Variants in HERC4 observed in about 807,000 individuals in gnomAD.
HERC4 encodes probable E3 ubiquitin-protein ligase HERC4.
HERC4 carries 28 observed loss-of-function variants against 124.3 expected under a neutral mutation model. That is an observed-to-expected ratio of 0.23 (90% confidence interval 0.17 to 0.31). HERC4 has a LOEUF of 0.31. Ranked by LOEUF, HERC4 falls within the 10% of genes least tolerant of loss-of-function variation. The pLI, the probability that HERC4 is intolerant of heterozygous loss-of-function variation, is 1.00. For synonymous variants in HERC4, 407 were observed against 421.5 expected, an observed-to-expected ratio of 0.97 and a Z score of 0.42; for missense variants, 713 against 1,229.3, an observed-to-expected ratio of 0.58 and a Z score of 6.28.
intron 15 of HERC4, among the ~76,000 whole-genome samples, chr10:67,977,110 C>T (rs1453705321): frequency 2.0e-5 from 3 of 152,168 alleles, no homozygotes; most frequent in Admixed American, 6.5e-5. Context: ...CTCCTTTAAC[C>T]CAAGGCTGCA....
At chr10:68,022,104 A>G (rs896081922) in intron 8 of HERC4, among the ~76,000 whole-genome samples, 2 of 152,216 alleles carry the variant, frequency 1.3e-5, no homozygotes, top group African/African-American at 4.8e-5. Flanking sequence ...AATAAAACTA[A>G]AAAATACTGG....
At chr10:68,041,214 A>G (rs2039751255) in intron 4 of HERC4, among the ~76,000 whole-genome samples, 1 of 152,168 alleles carries the variant, frequency 6.6e-6, no homozygotes. Flanking sequence ...ATATTTTGCA[A>G]TTAAACACAA....
chr10:67,990,546 AAGAC>A (rs1210679163), intron 13 of HERC4, 146 bp from the exon 14 acceptor site: 2 of 521,086 alleles, frequency 3.8e-6, no homozygotes, highest in Non-Finnish European at 3.3e-6. Context: ...AGAAAAAAGA[AAGAC>A]AATGTCTTAC....
Position 67,990,975 on chromosome 10 carries a change from C to A in HERC4, c.1372G>T (p.Val458Phe). ...HYRTGTRFSG[V>F]DMNAARLLFH... ...AAAAGCCTAGCAGCATTCATATCAA[C>A]CCCTGAAAATCTGGTACCTGTTCTA... is the stretch of plus-strand genomic sequence containing the variant. Residue 458 changes from valine to phenylalanine, a missense_variant, in exon 13 of 25, where the codon GTT becomes TTT. Physicochemically the swap from Val to Phe is conservative, Grantham distance 50 (BLOSUM62 -1). Transcript: ENST00000373700. 1 of 1,607,880 alleles carries A rather than the reference C, an allele frequency of 6.2e-7. No homozygotes were observed. Among genetic ancestry groups the A allele is most frequent in the Admixed American group, 1.7e-5 (1 of 59,686 alleles).
chr10:68,071,623 A>T (rs2133874474), intron 3 of HERC4, among the ~76,000 whole-genome samples: 1 of 152,326 alleles, frequency 6.6e-6, no homozygotes, highest in East Asian at 1.9e-4. Flanking sequence ...AATGCGTATC[A>T]GTAAATTACC....
intron 7 of HERC4, among the ~76,000 whole-genome samples, chr10:68,031,103 AT>A (rs1396694812): frequency 1.2e-4 from 19 of 152,206 alleles, no homozygotes; most frequent in African/African-American, 4.6e-4. Flanking sequence ...TTTGTTAAAA[AT>A]AATGTACACC....
At chr10:67,935,147 A>ATT (rs375653222) in intron 22 of HERC4, among the ~76,000 whole-genome samples, 12 of 133,014 alleles carry the variant, frequency 9.0e-5, no homozygotes, top group Admixed American at 2.3e-4. Context: ...ATCGATTTAC[A>ATT]TTTTTTTTTT....
intron 15 of HERC4, among the ~76,000 whole-genome samples, chr10:67,968,237 T>G (rs1346553003): frequency 1.3e-5 from 2 of 152,130 alleles, no homozygotes; most frequent in Admixed American, 6.6e-5. Flanking sequence ...AAAATCTATG[T>G]GCAAATTCCC....
intron 7 of HERC4, among the ~76,000 whole-genome samples, chr10:68,029,270 T>G (rs1219452556): frequency 1.3e-5 from 2 of 152,106 alleles, no homozygotes; most frequent in African/African-American, 2.4e-5. Flanking sequence ...GCAGATGGAT[T>G]TCTTGAGGTC....
At chr10:67,958,607 T>C (rs2034295358) in intron 16 of HERC4, among the ~76,000 whole-genome samples, 1 of 152,208 alleles carries the variant, frequency 6.6e-6, no homozygotes. Flanking sequence ...TCTAGGGTTG[T>C]TGATTACTTA....
intron 15 of HERC4, among the ~76,000 whole-genome samples, chr10:67,983,101 A>G (rs942030192): frequency 1.3e-5 from 2 of 151,928 alleles, no homozygotes; most frequent in African/African-American, 4.8e-5. Flanking sequence ...CAAAACAAAA[A>G]CAAACGGGCA....
At chr10:67,987,013 T>C (rs1271357972) in intron 15 of HERC4, among the ~76,000 whole-genome samples, 1 of 152,182 alleles carries the variant, frequency 6.6e-6, no homozygotes. Flanking sequence ...GGTTTTAAAG[T>C]TAAATATATC....
At chr10:68,058,781 A>C (rs541069168) in intron 3 of HERC4, among the ~76,000 whole-genome samples, 10 of 152,150 alleles carry the variant, frequency 6.6e-5, no homozygotes, top group Admixed American at 5.9e-4. Flanking sequence ...AAGCAATGTG[A>C]CCAAGAAAAC....
chr10:67,996,608 T>TA (rs1564525918), intron 9 of HERC4, among the ~76,000 whole-genome samples: 1 of 152,078 alleles, frequency 6.6e-6, no homozygotes, highest in Non-Finnish European at 1.5e-5. Flanking sequence ...TTGAGAAACT[T>TA]AAAAAATAGT....
At position 68,034,055 on chromosome 10, in the gene HERC4, C is replaced by T. The variant is rs1352010900; in HGVS notation, c.595G>A (p.Gly199Arg). ...GIPFMQVAAG[G>R]AHSFVLTLSG... is the part of the protein sequence containing the mutation. ...AGGGTGAGTACAAAACTATGGGCTCCTCCTGCTGCAACTTGCATGAAAGGG... is the reference window on the plus strand; with the variant it reads ...AGGGTGAGTACAAAACTATGGGCTCTTCCTGCTGCAACTTGCATGAAAGGG... The change falls in exon 6 of 25, where the codon GGA (glycine) becomes AGA (arginine). Residue 199 changes from glycine to arginine, a missense_variant. Transcript: ENST00000373700. 1 of 1,614,130 alleles carries T rather than the reference C, an allele frequency of 6.2e-7. No homozygotes were observed. Among genetic ancestry groups the T allele is most frequent in the Non-Finnish European group, 8.5e-7 (1 of 1,180,026 alleles).
At chr10:68,006,517 G>A (rs555565155) in intron 9 of HERC4, among the ~76,000 whole-genome samples, 68 of 151,868 alleles carry the variant, frequency 4.5e-4, no homozygotes, top group African/African-American at 1.1e-3. Context: ...GATTACAGGC[G>A]CCAGCCACCA....
chr10:67,999,693 G>A (rs1453550119), intron 9 of HERC4, among the ~76,000 whole-genome samples: 1 of 152,172 alleles, frequency 6.6e-6, no homozygotes, highest in Non-Finnish European at 1.5e-5. Context: ...ATGAACTGAT[G>A]AAGAAAAATT....
intron 23 of HERC4, among the ~76,000 whole-genome samples, chr10:67,926,653 C>T (rs377722745): frequency 6.6e-6 from 1 of 152,114 alleles, no homozygotes; most frequent in African/African-American, 2.4e-5. Flanking sequence ...GATTAAATGC[C>T]ATCTAATTCA....
chr10:67,972,161 C>T (rs1167793878), intron 15 of HERC4, among the ~76,000 whole-genome samples: 1 of 148,476 alleles, frequency 6.7e-6, no homozygotes, highest in Non-Finnish European at 1.5e-5. Flanking sequence ...TTGCAGTGGG[C>T]CAAGGTCTCA....
Sources: gnomAD v4.1 joint callset for allele counts (sites outside exome capture counted in the v4.1 genomes callset) on GRCh38, gnomAD v4.1.1 for gene constraint, MANE v1.5 for transcripts, NCBI Gene and HGNC (gene_info 2026-07-23, HGNC 2026-07-21) for gene names.